Variants in TP73 observed in about 807,000 individuals in gnomAD.
The protein encoded by TP73 is tumor protein p73.
TP73 carries 25 observed loss-of-function variants against 62.5 expected under a neutral mutation model. The observed-to-expected ratio is 0.40, with a 90% CI of 0.29 to 0.56. The LOEUF (loss-of-function observed/expected upper bound fraction) is 0.56, where lower values mean the gene tolerates loss of function less well. TP73 is among the 20% of genes least tolerant of loss of function. TP73 has a pLI of 0.46. For synonymous variants in TP73, 423 were observed against 377.5 expected (o/e 1.12, Z -1.40); for missense variants, 754 against 913.3 (o/e 0.83, Z 2.25).
chr1:3,705,351 G>A (rs531182102), intron 3 of TP73, among the ~76,000 whole-genome samples: 1 of 152,392 alleles, frequency 6.6e-6, no homozygotes, highest in South Asian at 2.1e-4. Flanking sequence ...TGTGGTGCAG[G>A]AAGTTAGGGA....
intron 1 of TP73, among the ~76,000 whole-genome samples, chr1:3,681,580 G>C (rs1645521691): frequency 6.6e-6 from 1 of 152,198 alleles, no homozygotes; most frequent in Non-Finnish European, 1.5e-5. Flanking sequence ...CTGCAGGACA[G>C]GGCAGCTTCA....
chr1:3,726,215 G>A (rs1641566684), intron 6 of TP73, among the ~76,000 whole-genome samples: 1 of 139,310 alleles, frequency 7.2e-6, no homozygotes, highest in Non-Finnish European at 1.6e-5. Context: ...TGAATGGGGT[G>A]GGTGGGTGGA....
rs1216585269 is a variant in TP73, at chr1:3,672,187, G to T, written c.-33-10146G>T. ...TAGGGTGGGGACATCTCAGAGTGGA[G>T]CATCCCCACCAAGGGTGTCCAGAGG... On this transcript the variant is annotated intron_variant, in intron 1 of 13. Coordinates refer to ENST00000378295, the MANE Select transcript of TP73 (RefSeq NM_005427.4). The surrounding 1 kb of genome is among the most constrained non-coding windows in gnomAD (Gnocchi z 5.3). 6.6e-6 allele frequency among the ~76,000 whole-genome samples: 1 copy of T among 152,138 alleles called. No individual in the cohort carries two copies. The highest frequency in any genetic ancestry group is 1.5e-5 in the Non-Finnish European group (1 of 68,000).
intron 9 of TP73, among the ~76,000 whole-genome samples, chr1:3,729,000 G>GAGAGAGAC (rs927882343): frequency 6.0e-4 from 91 of 152,168 alleles, no homozygotes; most frequent in East Asian, 3.5e-3. Context: ...GAAAGAGAGA[G>GAGAGAGAC]AGAGAGACAG....
intron 4 of TP73, 37 bp downstream of exon 4, chr1:3,707,828 G>T: frequency 6.3e-7 from 1 of 1,594,500 alleles, no homozygotes; most frequent in Non-Finnish European, 8.5e-7. Context: ...GCGGGCTGCG[G>T]GCTGCGGGCT....
chr1:3,653,887 T>C (rs536156610), intron 1 of TP73, among the ~76,000 whole-genome samples: 1 of 152,356 alleles, frequency 6.6e-6, no homozygotes, highest in East Asian at 1.9e-4. Context: ...AGATAAAAAG[T>C]TGGCTGGGCA....
intron 4 of TP73, among the ~76,000 whole-genome samples, chr1:3,717,211 C>T (rs1416886133): frequency 6.6e-6 from 1 of 152,174 alleles, no homozygotes; most frequent in Non-Finnish European, 1.5e-5. Flanking sequence ...GAGGAGCGGG[C>T]ACAAGGAAAT....
chr1:3,716,725 C>T (rs1170499228), intron 4 of TP73, among the ~76,000 whole-genome samples: 1 of 152,196 alleles, frequency 6.6e-6, no homozygotes, highest in Non-Finnish European at 1.5e-5. Flanking sequence ...CTTCCTCTCT[C>T]AGAAGGAGAA....
At chr1:3,725,759 A>ATGGATTGAC in intron 6 of TP73, among the ~76,000 whole-genome samples, 1 of 65,934 alleles carries the variant, frequency 1.5e-5, no homozygotes, top group Non-Finnish European at 2.8e-5. Flanking sequence ...GGATGGATGG[A>ATGGATTGAC]TGGGGTGGGG....
intron 4 of TP73, chr1:3,708,117 T>C: frequency 2.4e-6 from 1 of 422,190 alleles, no homozygotes. Context: ...TGGTTTGAAA[T>C]CCTGTCCTGG....
chr1:3,703,190 G>A (rs1374573126), intron 3 of TP73, among the ~76,000 whole-genome samples: 1 of 152,232 alleles, frequency 6.6e-6, no homozygotes, highest in Non-Finnish European at 1.5e-5. Flanking sequence ...TGTGACAGGG[G>A]CGGTGACCAC....
chr1:3,697,697 G>A (rs933142965), intron 3 of TP73, among the ~76,000 whole-genome samples: 4 of 152,248 alleles, frequency 2.6e-5, no homozygotes, highest in East Asian at 3.8e-4. Flanking sequence ...GTGTGAAGAG[G>A]AGACCTGCCT....
At chr1:3,657,110 A>G (rs1333464825) in intron 1 of TP73, among the ~76,000 whole-genome samples, 5 of 152,378 alleles carry the variant, frequency 3.3e-5, no homozygotes, top group South Asian at 4.1e-4. Context: ...TCACTTTGTA[A>G]GTTTTCTCAG....
At chr1:3,673,470 C>T (rs1471526253) in intron 1 of TP73, among the ~76,000 whole-genome samples, 1 of 152,210 alleles carries the variant, frequency 6.6e-6, no homozygotes, top group Admixed American at 6.5e-5. Flanking sequence ...TTTTGATATG[C>T]GTAGAGTTAC....
At chr1:3,730,224 A>G in intron 11 of TP73, 76 bp downstream of exon 11, 1 of 1,374,832 alleles carries the variant, frequency 7.3e-7, no homozygotes, top group South Asian at 1.8e-5. Context: ...AGGACACACC[A>G]CCCAGCTCGG....
intron 7 of TP73, 165 bp from the exon 8 acceptor site, chr1:3,727,463 C>A: frequency 9.2e-7 from 1 of 1,092,182 alleles, no homozygotes; most frequent in Non-Finnish European, 1.3e-6. Flanking sequence ...CAGCTTTGAG[C>A]CTCTGACTCC....
At chr1:3,682,529 G>A (rs1645549615) in intron 2 of TP73, 99 bp downstream of exon 2, 3 of 1,195,170 alleles carry the variant, frequency 2.5e-6, no homozygotes, top group Non-Finnish European at 3.3e-6. Flanking sequence ...AGAGCAGGAG[G>A]GGTGGCCCCG....
At chr1:3,682,098 G>A (rs1645536877) in intron 1 of TP73, among the ~76,000 whole-genome samples, 1 of 152,244 alleles carries the variant, frequency 6.6e-6, no homozygotes, top group South Asian at 2.1e-4. Flanking sequence ...GGATGGGTCT[G>A]ATCCAGGCCC....
chr1:3,711,804 G>C (rs1640162788), intron 4 of TP73, among the ~76,000 whole-genome samples: 1 of 152,088 alleles, frequency 6.6e-6, no homozygotes, highest in Non-Finnish European at 1.5e-5. Context: ...GTGCCCTCCA[G>C]CTGCTCTCAG....
Sources: allele counts gnomAD v4.1 joint callset (sites outside exome capture counted in the v4.1 genomes callset), GRCh38; gene constraint gnomAD v4.1.1; non-coding constraint Gnocchi (gnomAD v3.1); transcripts MANE v1.5; gene names NCBI Gene and HGNC (gene_info 2026-07-23, HGNC 2026-07-21).